The following LRMDA variants were observed in gnomAD, a reference collection of about 807,000 sequenced individuals.
LRMDA encodes the protein leucine rich melanocyte differentiation associated.
Under a neutral mutation model 29.8 loss-of-function variants are expected in LRMDA, and 18 were observed. The observed-to-expected ratio is 0.60, with a 90% CI of 0.42 to 0.90. The LOEUF (loss-of-function observed/expected upper bound fraction) is 0.90. Ranked by LOEUF, LRMDA falls within the 40% of genes least tolerant of loss-of-function variation. The pLI is 0.00. For synonymous variants in LRMDA, 125 were observed against 109.4 expected (o/e 1.14, Z -0.89); for missense variants, 273 against 273.9 (o/e 1.00, Z 0.02).
At chr10:76,172,498 G>C (rs1850856825) in intron 5 of LRMDA, among the ~76,000 whole-genome samples, 1 of 152,106 alleles carries the variant, frequency 6.6e-6, no homozygotes, top group Non-Finnish European at 1.5e-5. Context: ...AGAATTCCCA[G>C]GGAAGAATAC....
chr10:76,502,815 T>G (rs1311971123), intron 6 of LRMDA, among the ~76,000 whole-genome samples: 1 of 151,874 alleles, frequency 6.6e-6, no homozygotes, highest in Admixed American at 6.6e-5. Context: ...TAGGGTTTTC[T>G]AGGTATAGAA....
chr10:76,539,243 G>C (rs1487756489), intron 6 of LRMDA, among the ~76,000 whole-genome samples: 1 of 152,122 alleles, frequency 6.6e-6, no homozygotes, highest in Non-Finnish European at 1.5e-5. Flanking sequence ...CTAGGAAGAA[G>C]AGAGGATGAA....
At chr10:76,199,554 G>A (rs898455108) in intron 5 of LRMDA, among the ~76,000 whole-genome samples, 2 of 152,142 alleles carry the variant, frequency 1.3e-5, no homozygotes, top group Non-Finnish European at 2.9e-5. Context: ...GCTACGTGGA[G>A]ACCATTATTA....
At chr10:75,584,320 C>G (rs1840631305) in intron 2 of LRMDA, among the ~76,000 whole-genome samples, 2 of 152,278 alleles carry the variant, frequency 1.3e-5, no homozygotes, top group Non-Finnish European at 2.9e-5. Flanking sequence ...TCTACCTCCC[C>G]CCTAGAAAAA....
At chr10:75,875,621 G>A (rs773349801) in intron 2 of LRMDA, among the ~76,000 whole-genome samples, 2 of 152,244 alleles carry the variant, frequency 1.3e-5, no homozygotes, top group Middle Eastern at 3.4e-3. Context: ...TAGTAGAGAC[G>A]GGGTTTCACT....
chr10:75,808,663 C>T (rs1255374857), intron 2 of LRMDA, among the ~76,000 whole-genome samples: 1 of 152,060 alleles, frequency 6.6e-6, no homozygotes, highest in African/African-American at 2.4e-5. Flanking sequence ...GCATGCACCA[C>T]CATGCGCAGC....
chr10:75,444,932 A>G (rs547252492), intron 2 of LRMDA, among the ~76,000 whole-genome samples: 2 of 152,222 alleles, frequency 1.3e-5, no homozygotes, highest in South Asian at 2.1e-4. Context: ...CTGCGTTACA[A>G]TGTTTTTTTA....
At chr10:75,885,042 G>A (rs1171968873) in intron 2 of LRMDA, among the ~76,000 whole-genome samples, 2 of 151,908 alleles carry the variant, frequency 1.3e-5, no homozygotes, top group Admixed American at 6.5e-5. Flanking sequence ...GAGGCCGGGG[G>A]AGGACAGCAG....
At chr10:76,139,289 G>T (rs1241098966) in intron 5 of LRMDA, among the ~76,000 whole-genome samples, 1 of 152,094 alleles carries the variant, frequency 6.6e-6, no homozygotes, top group African/African-American at 2.4e-5. Flanking sequence ...AAGTGATCTT[G>T]CAAGACCCTT....
intron 2 of LRMDA, among the ~76,000 whole-genome samples, chr10:75,765,511 C>T (rs1350819387): frequency 1.3e-5 from 2 of 152,158 alleles, no homozygotes; most frequent in Admixed American, 1.3e-4. Context: ...ATTTACTTCA[C>T]ATGGCAATTT....
At chr10:75,775,921 A>T (rs760200104) in intron 2 of LRMDA, among the ~76,000 whole-genome samples, 7 of 152,096 alleles carry the variant, frequency 4.6e-5, no homozygotes, top group Non-Finnish European at 1.0e-4. Flanking sequence ...AAGTGTAGAG[A>T]GCACACTCCT....
chr10:76,259,507 G>A lies in LRMDA; in HGVS notation c.517-64894G>A, dbSNP rs150251310. 2.0e-3 allele frequency among the ~76,000 whole-genome samples: 309 copies of A among 152,216 alleles called. 4 individuals are homozygous for A. Among genetic ancestry groups the A allele is most frequent in the African/African-American group, 6.9e-3 (287 of 41,554 alleles). ...TAACATATGGTCTATCCTGGAGAATGTTGCATCTGCTGATAATAATGTGTA... is the reference window on the plus strand; with the variant it reads ...TAACATATGGTCTATCCTGGAGAATATTGCATCTGCTGATAATAATGTGTA... On this transcript the variant is annotated intron_variant, in intron 5 of 6. Transcript: ENST00000611255.
intron 6 of LRMDA, among the ~76,000 whole-genome samples, chr10:76,442,032 A>G (rs1842308714): frequency 6.6e-6 from 1 of 152,188 alleles, no homozygotes; most frequent in African/African-American, 2.4e-5. Flanking sequence ...GCTCATAGAA[A>G]GTACTAATTT....
At chr10:76,349,446 A>G (rs1276257620) in intron 6 of LRMDA, among the ~76,000 whole-genome samples, 1 of 152,092 alleles carries the variant, frequency 6.6e-6, no homozygotes, top group Non-Finnish European at 1.5e-5. Flanking sequence ...AAATGTAGCT[A>G]TGTTGACTCA....
At chr10:76,289,423 A>G (rs1426648243) in intron 5 of LRMDA, among the ~76,000 whole-genome samples, 2 of 152,130 alleles carry the variant, frequency 1.3e-5, no homozygotes, top group Admixed American at 1.3e-4. Context: ...ATTTTTTTCA[A>G]CATCTCCTCC....
chr10:76,461,435 C>A (rs1402401105), intron 6 of LRMDA, among the ~76,000 whole-genome samples: 1 of 152,192 alleles, frequency 6.6e-6, no homozygotes, highest in African/African-American at 2.4e-5. Context: ...TCCACAGCAA[C>A]CTGTTGGTGC....
chr10:76,316,503 C>T (rs1204461669), intron 5 of LRMDA, among the ~76,000 whole-genome samples: 1 of 152,144 alleles, frequency 6.6e-6, no homozygotes, highest in African/African-American at 2.4e-5. Context: ...GCCTGCTGGG[C>T]CAAGTGTGTG....
At chr10:76,017,268 G>A (rs913441542) in intron 2 of LRMDA, among the ~76,000 whole-genome samples, 2 of 152,210 alleles carry the variant, frequency 1.3e-5, no homozygotes, top group African/African-American at 4.8e-5. Context: ...CTGGAGTTAG[G>A]CTGGGGCAGA....
intron 6 of LRMDA, among the ~76,000 whole-genome samples, chr10:76,494,048 A>G (rs1296062962): frequency 6.6e-6 from 1 of 152,020 alleles, no homozygotes; most frequent in Non-Finnish European, 1.5e-5. Context: ...AACTCATTTT[A>G]TAGTCCCAGA....
Sources: allele counts gnomAD v4.1 joint callset (sites outside exome capture counted in the v4.1 genomes callset), GRCh38; gene constraint gnomAD v4.1.1; transcripts MANE v1.5; gene names NCBI Gene and HGNC (gene_info 2026-07-23, HGNC 2026-07-21).